SRRM4: variants seen among roughly 807,000 people sequenced by gnomAD.
The protein encoded by SRRM4 is serine/arginine repetitive matrix protein 4.
SRRM4 carries 33 observed loss-of-function variants against 68.9 expected under a neutral mutation model. That is an observed-to-expected ratio of 0.48 (90% CI 0.36 to 0.64). The LOEUF is 0.64. Ranked by LOEUF, SRRM4 falls within the 30% of genes least tolerant of loss-of-function variation. The pLI, the probability that SRRM4 is intolerant of heterozygous loss-of-function variation, is 0.00. For synonymous variants in SRRM4, 318 were observed against 318.8 expected, an observed-to-expected ratio of 1.00 and a Z score of 0.03; for missense variants, 817 against 827.1, an observed-to-expected ratio of 0.99 and a Z score of 0.15.
chr12:119,019,303 A>C (rs1356028149), intron 1 of SRRM4, among the ~76,000 whole-genome samples: 1 of 152,212 alleles, frequency 6.6e-6, no homozygotes, highest in Admixed American at 6.5e-5. Context: ...CTAATCAAAG[A>C]CACGTCAACC....
chr12:119,048,365 A>G (rs1417622501), intron 1 of SRRM4, among the ~76,000 whole-genome samples: 1 of 152,280 alleles, frequency 6.6e-6, no homozygotes, highest in East Asian at 1.9e-4. Context: ...AAATCAAATC[A>G]TCAAGACATA....
chr12:119,054,209 A>G (rs924174592), intron 1 of SRRM4, among the ~76,000 whole-genome samples: 1 of 152,202 alleles, frequency 6.6e-6, no homozygotes, highest in Admixed American at 6.5e-5. Context: ...GTTGCAAATG[A>G]TGGGATCTCA....
intron 1 of SRRM4, among the ~76,000 whole-genome samples, chr12:119,071,532 C>T (rs1311336959): frequency 6.6e-6 from 1 of 152,080 alleles, no homozygotes; most frequent in Non-Finnish European, 1.5e-5. Flanking sequence ...AATTTACATA[C>T]GATAAAATAA....
intron 1 of SRRM4, among the ~76,000 whole-genome samples, chr12:119,087,614 G>C (rs1953987372): frequency 6.6e-6 from 1 of 152,182 alleles, no homozygotes; most frequent in Admixed American, 6.5e-5. Flanking sequence ...GAAGCTGGCT[G>C]ATTGACTGAG....
chr12:119,053,759 A>G (rs1333807092), intron 1 of SRRM4, among the ~76,000 whole-genome samples: 1 of 142,004 alleles, frequency 7.0e-6, no homozygotes, highest in African/African-American at 2.6e-5. Flanking sequence ...TTTTTTTTTT[A>G]ATTTTGTGGG....
intron 2 of SRRM4, among the ~76,000 whole-genome samples, chr12:119,110,156 C>A (rs996303224): frequency 4.6e-5 from 7 of 152,306 alleles, no homozygotes; most frequent in East Asian, 1.9e-4. Context: ...TGCAGAATGG[C>A]AAATGTTGCT....
rs542150356 is a variant in SRRM4, at chr12:118,982,103, G to C, written c.131+90G>C. 81 of 1,461,272 alleles carry C rather than the reference G, an allele frequency of 5.5e-5. No homozygotes were observed. The African/African-American group carries it at 1.1e-3, about 20-fold the overall frequency. The allele number at this position is 1,461,272 out of a possible 1,614,324, so 90.5% of individuals were successfully genotyped here. A position where few individuals can be genotyped will look rare whatever the true frequency, so the allele number is the denominator to read the frequency against. On this transcript the variant is annotated intron_variant, in intron 1 of 12. Transcript: ENST00000267260. ...CCCGGAGGGGTGGATGCAGGCAGCC[G>C]GGCCAGGGCGCCTGTCTTTTCCCGT...
chr12:119,042,119 G>A (rs185005244), intron 1 of SRRM4, among the ~76,000 whole-genome samples: 1 of 152,194 alleles, frequency 6.6e-6, no homozygotes, highest in African/African-American at 2.4e-5. Flanking sequence ...CCAAGAACAC[G>A]CAGTCAGTGG....
chr12:119,066,868 C>A (rs1953849255), intron 1 of SRRM4, among the ~76,000 whole-genome samples: 1 of 152,172 alleles, frequency 6.6e-6, no homozygotes, highest in Middle Eastern at 3.2e-3. Flanking sequence ...GCTCTAGCTC[C>A]CCCTCCCCCA....
At chr12:119,084,619 T>C (rs1453139292) in intron 1 of SRRM4, among the ~76,000 whole-genome samples, 2 of 152,150 alleles carry the variant, frequency 1.3e-5, no homozygotes, top group African/African-American at 4.8e-5. Context: ...ATTCAACCAA[T>C]GTTTACTGAA....
chr12:119,111,801 T>C (rs1016308900), intron 2 of SRRM4, among the ~76,000 whole-genome samples: 1 of 152,174 alleles, frequency 6.6e-6, no homozygotes, highest in African/African-American at 2.4e-5. Flanking sequence ...CCCAGCACTA[T>C]GGGAGGCCAA....
At chr12:119,145,297 A>G in intron 8 of SRRM4, 84 bp from the exon 9 acceptor site, 1 of 1,199,394 alleles carries the variant, frequency 8.3e-7, no homozygotes, top group East Asian at 2.7e-5. Context: ...ACAGTGCATC[A>G]TGACGGTAAA....
intron 1 of SRRM4, among the ~76,000 whole-genome samples, chr12:119,058,817 C>G (rs1953792918): frequency 6.6e-6 from 1 of 152,142 alleles, no homozygotes; most frequent in Non-Finnish European, 1.5e-5. Context: ...AGCCATTGTT[C>G]TCTTAACATG....
At chr12:119,037,289 A>T (rs938541488) in intron 1 of SRRM4, among the ~76,000 whole-genome samples, 2 of 152,096 alleles carry the variant, frequency 1.3e-5, no homozygotes, top group Non-Finnish European at 2.9e-5. Flanking sequence ...GAGGCGGAAA[A>T]TGCCCCAGGA....
chr12:119,016,792 T>C (rs1025116609), intron 1 of SRRM4, among the ~76,000 whole-genome samples: 4 of 152,222 alleles, frequency 2.6e-5, no homozygotes, highest in Non-Finnish European at 4.4e-5. Flanking sequence ...TACAATATCA[T>C]GCTATGGAAG....
At chr12:119,022,945 A>G (rs1426671262) in intron 1 of SRRM4, among the ~76,000 whole-genome samples, 1 of 152,178 alleles carries the variant, frequency 6.6e-6, no homozygotes, top group African/African-American at 2.4e-5. Flanking sequence ...CAGCCATTGC[A>G]TGAAGACACA....
intron 9 of SRRM4, among the ~76,000 whole-genome samples, chr12:119,149,801 G>C (rs1954427736): frequency 6.6e-6 from 1 of 152,082 alleles, no homozygotes. Flanking sequence ...AGATTGGAGG[G>C]GTGAGCAGGT....
At chr12:119,063,889 A>T (rs1326059054) in intron 1 of SRRM4, among the ~76,000 whole-genome samples, 1 of 152,182 alleles carries the variant, frequency 6.6e-6, no homozygotes, top group Non-Finnish European at 1.5e-5. Context: ...GGAAATTGAG[A>T]TCAGTGGAGC....
At chr12:119,122,188 C>T (rs1320630284) in intron 6 of SRRM4, 68 bp downstream of exon 6, 4 of 1,147,936 alleles carry the variant, frequency 3.5e-6, no homozygotes, top group Non-Finnish European at 5.3e-6. Context: ...TCTTAAAAGC[C>T]AGAGTCTTAG....
Sources: allele counts gnomAD v4.1 joint callset (sites outside exome capture counted in the v4.1 genomes callset), GRCh38; gene constraint gnomAD v4.1.1; transcripts MANE v1.5; gene names NCBI Gene and HGNC (gene_info 2026-07-23, HGNC 2026-07-21).